CCNH: variants seen among roughly 807,000 people sequenced by gnomAD.
CCNH encodes cyclin-H.
A neutral mutation model predicts 41.9 loss-of-function variants in CCNH; 31 were observed. The observed-to-expected ratio is 0.74, with a 90% CI of 0.56 to 1.00. The LOEUF is 1.00. Ranked by LOEUF, CCNH falls within the 50% of genes least tolerant of loss-of-function variation. CCNH has a pLI of 0.00. For missense variants in CCNH, 362 were observed against 388.4 expected, an observed-to-expected ratio of 0.93 and a Z score of 0.57; for synonymous variants, 138 against 136.1, an observed-to-expected ratio of 1.01 and a Z score of -0.10.
chr5:87,373,690 T>A (rs115275334), downstream of CCNH, among the ~76,000 whole-genome samples: 1,146 of 152,308 alleles, frequency 7.5e-3, 17 homozygotes, highest in African/African-American at 0.027. Flanking sequence ...TATCCTTTCC[T>A]GTAAAATAAG....
intron 9 of CCNH, among the ~76,000 whole-genome samples, chr5:87,362,216 G>A (rs545834861): frequency 9.2e-5 from 14 of 152,266 alleles, no homozygotes; most frequent in South Asian, 4.1e-4. Context: ...CAGTTATGCT[G>A]GGACAAGTTT....
At chr5:87,330,230 T>C (rs564536182) in intron 9 of CCNH, among the ~76,000 whole-genome samples, 44 of 152,182 alleles carry the variant, frequency 2.9e-4, no homozygotes, top group African/African-American at 1.0e-3. Context: ...TTTTTAAAAA[T>C]TAAGGAGTCA....
chr5:87,327,104 C>A (rs1469773393), intron 9 of CCNH, among the ~76,000 whole-genome samples: 1 of 152,140 alleles, frequency 6.6e-6, no homozygotes, highest in Non-Finnish European at 1.5e-5. Context: ...TTACTGGGTT[C>A]TTGGTATCCA....
At chr5:87,325,644 T>C in intron 9 of CCNH, among the ~76,000 whole-genome samples, 1 of 152,220 alleles carries the variant, frequency 6.6e-6, no homozygotes, top group East Asian at 1.9e-4. Context: ...GTCAGTAATA[T>C]AACCAAAAGG....
chr5:87,316,326 A>T (rs527980943), downstream of CCNH, among the ~76,000 whole-genome samples: 2 of 152,304 alleles, frequency 1.3e-5, no homozygotes, highest in African/African-American at 4.8e-5. Context: ...AATGCATTTT[A>T]AAAAATGGGA....
chr5:87,398,936 G>A (rs1027422100), intron 7 of CCNH, among the ~76,000 whole-genome samples: 3 of 150,900 alleles, frequency 2.0e-5, no homozygotes, highest in Non-Finnish European at 4.4e-5. Context: ...TCGCGCCACT[G>A]CACTCCAGTC....
At chr5:87,377,198 T>A, upstream of CCNH, 1 of 922,560 alleles carries the variant, frequency 1.1e-6, no homozygotes. Context: ...GGATGTCAGT[T>A]CTGATTATGT....
At chr5:87,389,607 T>G, downstream of CCNH, 1 of 1,539,102 alleles carries the variant, frequency 6.5e-7, no homozygotes, top group East Asian at 2.3e-5. Context: ...GAATTCTGGT[T>G]AACATTTTTA....
chr5:87,317,875 A>G (rs1006855310), downstream of CCNH, among the ~76,000 whole-genome samples: 1 of 152,052 alleles, frequency 6.6e-6, no homozygotes, highest in Non-Finnish European at 1.5e-5. Context: ...AGCTCAAGCA[A>G]TCCGCCCACC....
downstream of CCNH, chr5:87,391,715 A>G (rs1386268020): frequency 2.6e-5 from 6 of 232,702 alleles, no homozygotes; most frequent in African/African-American, 4.4e-5. Context: ...GTTAAAAGTT[A>G]TTTGTTCATT....
downstream of CCNH, chr5:87,391,520 CAT>C (rs541715012): frequency 2.1e-5 from 5 of 237,630 alleles, no homozygotes; most frequent in African/African-American, 1.1e-4. Flanking sequence ...ATTTTTTAAA[CAT>C]ACGACTTATT....
chr5:87,375,530 G>A (rs188459283), downstream of CCNH, among the ~76,000 whole-genome samples: 377 of 152,138 alleles, frequency 2.5e-3, 1 homozygote, highest in African/African-American at 8.6e-3. Context: ...CAAAATGCTG[G>A]GATTACATTA....
At chr5:87,326,603 T>A (rs1056348265) in intron 9 of CCNH, among the ~76,000 whole-genome samples, 1 of 152,186 alleles carries the variant, frequency 6.6e-6, no homozygotes, top group Non-Finnish European at 1.5e-5. Context: ...CATTAAATGC[T>A]TTATTATTAA....
At chr5:87,360,269 G>GGCAC (rs1759983790) in intron 9 of CCNH, among the ~76,000 whole-genome samples, 1 of 151,994 alleles carries the variant, frequency 6.6e-6, no homozygotes, top group East Asian at 1.9e-4. Flanking sequence ...TGGAATTACA[G>GGCAC]GCACGCGCCA....
At chr5:87,351,748 T>C (rs902369924) in intron 9 of CCNH, among the ~76,000 whole-genome samples, 2 of 151,758 alleles carry the variant, frequency 1.3e-5, no homozygotes, top group Non-Finnish European at 3.0e-5. Context: ...AAAAAACTCT[T>C]AAGTCTAGCT....
chr5:87,366,332 A>G (rs1156395534), intron 9 of CCNH: 1 of 402,596 alleles, frequency 2.5e-6, no homozygotes, highest in Non-Finnish European at 5.1e-6. Flanking sequence ...CATTATTTTG[A>G]TATAGTTTAT....
At chr5:87,381,844 T>A (rs1761736790), upstream of CCNH, among the ~76,000 whole-genome samples, 1 of 152,226 alleles carries the variant, frequency 6.6e-6, no homozygotes, top group African/African-American at 2.4e-5. Context: ...TAGGGCATTT[T>A]TGCCAAGGTT....
intron 9 of CCNH, chr5:87,331,583 G>C: frequency 7.0e-7 from 1 of 1,425,712 alleles, no homozygotes. Flanking sequence ...TAATAAAGGT[G>C]AATGACTCAG....
intron 7 of CCNH, among the ~76,000 whole-genome samples, chr5:87,398,086 A>G (rs1763103664): frequency 6.6e-6 from 1 of 152,238 alleles, no homozygotes; most frequent in Non-Finnish European, 1.5e-5. Context: ...AGTCAACATT[A>G]CTTCTCTGTA....
Sources: allele counts gnomAD v4.1 joint callset (sites outside exome capture counted in the v4.1 genomes callset), GRCh38; gene constraint gnomAD v4.1.1; transcripts MANE v1.5; gene names NCBI Gene and HGNC (gene_info 2026-07-23, HGNC 2026-07-21).